Variants in PARD3B observed in about 807,000 individuals in gnomAD.
PARD3B encodes the protein partitioning defective 3 homolog B.
Under a neutral mutation model 130.2 loss-of-function variants are expected in PARD3B, and 103 were observed. The ratio of observed to expected loss-of-function variants is 0.79; its 90% CI spans 0.67 to 0.93. The LOEUF (loss-of-function observed/expected upper bound fraction) is 0.93. PARD3B is among the 40% of genes least tolerant of loss of function. PARD3B has a pLI of 0.00. For synonymous variants in PARD3B, 583 were observed against 553.2 expected, an observed-to-expected ratio of 1.05 and a Z score of -0.76; for missense variants, 1,609 against 1,499.2, an observed-to-expected ratio of 1.07 and a Z score of -1.21.
intron 22 of PARD3B, among the ~76,000 whole-genome samples, chr2:205,586,580 A>T (rs908941381): frequency 2.4e-4 from 36 of 152,188 alleles, no homozygotes; most frequent in Non-Finnish European, 4.3e-4. Context: ...AGCCATCTTT[A>T]TACATAGCCT....
chr2:204,766,489 T>A (rs2041154776), intron 2 of PARD3B, among the ~76,000 whole-genome samples: 1 of 152,120 alleles, frequency 6.6e-6, no homozygotes, highest in Non-Finnish European at 1.5e-5. Flanking sequence ...CCTTTATATT[T>A]TTTTCTAAAT....
chr2:204,583,549 G>A (rs867872101), intron 1 of PARD3B, among the ~76,000 whole-genome samples: 1 of 119,002 alleles, frequency 8.4e-6, no homozygotes, highest in Non-Finnish European at 1.7e-5. Flanking sequence ...TGGGTGCAGC[G>A]CACCAGCATG....
At chr2:205,153,622 A>G (rs1437301975) in intron 10 of PARD3B, among the ~76,000 whole-genome samples, 1 of 152,226 alleles carries the variant, frequency 6.6e-6, no homozygotes, top group Non-Finnish European at 1.5e-5. Context: ...AGCTAGAGGC[A>G]TCACGCTACC....
intron 18 of PARD3B, among the ~76,000 whole-genome samples, chr2:205,335,758 AAGAG>A (rs1168232104): frequency 6.6e-6 from 1 of 152,142 alleles, no homozygotes; most frequent in Non-Finnish European, 1.5e-5. Flanking sequence ...AGGAGGCAAA[AAGAG>A]AGAGCTTGTG....
intron 1 of PARD3B, among the ~76,000 whole-genome samples, chr2:204,552,535 G>A (rs1460373484): frequency 1.3e-5 from 2 of 152,290 alleles, no homozygotes; most frequent in Admixed American, 6.5e-5. Context: ...TGCTTTTATT[G>A]CATTTGCTTT....
chr2:205,220,171 T>C (rs976613830), intron 15 of PARD3B, among the ~76,000 whole-genome samples: 4 of 152,142 alleles, frequency 2.6e-5, no homozygotes, highest in African/African-American at 9.7e-5. Flanking sequence ...AACACAAATC[T>C]GATCATGTCA....
At chr2:204,751,458 C>T (rs1317804308) in intron 2 of PARD3B, among the ~76,000 whole-genome samples, 1 of 152,184 alleles carries the variant, frequency 6.6e-6, no homozygotes, top group Non-Finnish European at 1.5e-5. Flanking sequence ...TACACACTGC[C>T]TTTTGGGCAA....
intron 1 of PARD3B, among the ~76,000 whole-genome samples, chr2:204,602,113 TC>T (rs2033537371): frequency 1.3e-5 from 2 of 152,062 alleles, no homozygotes; most frequent in South Asian, 4.1e-4. Flanking sequence ...GGACCTCAGC[TC>T]TGTCACTTGC....
At chr2:205,360,388 T>G (rs2044346500) in intron 18 of PARD3B, among the ~76,000 whole-genome samples, 1 of 152,076 alleles carries the variant, frequency 6.6e-6, no homozygotes, top group Non-Finnish European at 1.5e-5. Context: ...TTAGAGGTGG[T>G]TATACTTTGG....
intron 15 of PARD3B, among the ~76,000 whole-genome samples, chr2:205,200,049 A>C (rs1357046890): frequency 6.6e-6 from 1 of 151,510 alleles, no homozygotes; most frequent in Non-Finnish European, 1.5e-5. Context: ...TTCCTTTTTG[A>C]TGGGATTTCT....
At chr2:204,994,011 T>C (rs1693937719) in intron 3 of PARD3B, among the ~76,000 whole-genome samples, 1 of 151,548 alleles carries the variant, frequency 6.6e-6, no homozygotes, top group Non-Finnish European at 1.5e-5. Context: ...TCAATTTTGT[T>C]GATCCTTTCA....
At chr2:204,620,001 CCT>C (rs2034242107) in intron 1 of PARD3B, among the ~76,000 whole-genome samples, 1 of 151,874 alleles carries the variant, frequency 6.6e-6, no homozygotes, top group South Asian at 2.1e-4. Flanking sequence ...GACTCATGCA[CCT>C]CTCTCTCTCT....
chr2:204,947,570 C>A (rs1386936002), intron 2 of PARD3B, among the ~76,000 whole-genome samples: 1 of 133,694 alleles, frequency 7.5e-6, no homozygotes, highest in East Asian at 2.4e-4. Flanking sequence ...CCCTCCCTCC[C>A]CTCCCTCTCT....
intron 16 of PARD3B, among the ~76,000 whole-genome samples, chr2:205,290,158 A>G (rs905413935): frequency 6.6e-6 from 1 of 152,212 alleles, no homozygotes; most frequent in Non-Finnish European, 1.5e-5. Flanking sequence ...ATCCAGATAA[A>G]TCCAGGTGTA....
chr2:204,730,884 TTTC>T (rs1461246313), intron 2 of PARD3B, among the ~76,000 whole-genome samples: 5 of 152,190 alleles, frequency 3.3e-5, no homozygotes, highest in Admixed American at 1.3e-4. Flanking sequence ...TGCCATGATT[TTTC>T]TTTCTGGGGG....
intron 4 of PARD3B, among the ~76,000 whole-genome samples, chr2:205,090,615 A>G (rs1353892092): frequency 2.0e-5 from 3 of 152,212 alleles, no homozygotes; most frequent in African/African-American, 7.2e-5. Flanking sequence ...GTCAGTTAAT[A>G]TGAGTATCCA....
chr2:204,615,304 T>C (rs535555045), intron 1 of PARD3B, among the ~76,000 whole-genome samples: 1 of 152,320 alleles, frequency 6.6e-6, no homozygotes, highest in East Asian at 1.9e-4. Context: ...ATCATATCAA[T>C]GCTTTTCCTA....
At chr2:205,580,308 C>T (rs935010841) in intron 22 of PARD3B, among the ~76,000 whole-genome samples, 1 of 152,170 alleles carries the variant, frequency 6.6e-6, no homozygotes, top group African/African-American at 2.4e-5. Context: ...CACAGCATCT[C>T]TGAATCACCC....
chr2:204,645,416 T>G (rs1256112146), intron 1 of PARD3B, among the ~76,000 whole-genome samples: 1 of 152,168 alleles, frequency 6.6e-6, no homozygotes, highest in Non-Finnish European at 1.5e-5. Context: ...ATTAATACAT[T>G]TTTATTTTCA....
Sources: gnomAD v4.1 joint callset for allele counts (sites outside exome capture counted in the v4.1 genomes callset) on GRCh38, gnomAD v4.1.1 for gene constraint, MANE v1.5 for transcripts, NCBI Gene and HGNC (gene_info 2026-07-23, HGNC 2026-07-21) for gene names.